Variants in GGA1 observed in about 807,000 individuals in gnomAD.
GGA1 encodes the protein ADP-ribosylation factor-binding protein GGA1.
GGA1 carries 18 observed loss-of-function variants against 76.9 expected under a neutral mutation model. The observed-to-expected ratio is 0.23, with a 90% confidence interval of 0.16 to 0.35. The LOEUF is 0.35. Ranked by LOEUF, GGA1 falls within the 10% of genes least tolerant of loss-of-function variation. The pLI is 1.00. For missense variants in GGA1, 755 were observed against 859.0 expected (o/e 0.88, Z 1.51); for synonymous variants, 342 against 354.7 (o/e 0.96, Z 0.40).
At chr22:37,614,006 C>T in intron 1 of GGA1, 184 bp from the exon 2 acceptor site, 2 of 579,220 alleles carry the variant, frequency 3.5e-6, no homozygotes, top group South Asian at 1.9e-5. Context: ...CAGCTGTGCT[C>T]ATCTGTCTGT....
intron 13 of GGA1, 54 bp from the exon 14 acceptor site, chr22:37,630,849 T>G: frequency 7.7e-6 from 10 of 1,290,534 alleles, no homozygotes; most frequent in Non-Finnish European, 1.1e-5. Context: ...ATTACAGGGG[T>G]GAGCTACCAC....
At position 37,625,788 on chromosome 22, in the gene GGA1, C is replaced by A; in HGVS notation, c.941-9C>A. On this transcript the variant is annotated splice_polypyrimidine_tract_variant and intron_variant, in intron 10 of 16. Coordinates refer to ENST00000343632, the MANE Select transcript of GGA1 (RefSeq NM_013365.5). This position sits in a 1 kb window ranked among gnomAD's most constrained non-coding sequence, Gnocchi z 4.1. ...CCAGGACTTGCCAGCCTCTTCTTTC[C>A]CACCCCAGGGAGCACCTCGGCCCTG... The A allele has an allele frequency of 6.5e-7, 1 of 1,542,586 alleles. No individual in the cohort carries two copies. Among genetic ancestry groups the A allele is most frequent in the Non-Finnish European group, 8.8e-7 (1 of 1,137,900 alleles).
chr22:37,627,623 C>T (rs1026963313), intron 11 of GGA1, among the ~76,000 whole-genome samples: 1 of 152,214 alleles, frequency 6.6e-6, no homozygotes, highest in African/African-American at 2.4e-5. Flanking sequence ...GCAGGGCCAC[C>T]AGCCCCCAGC....
intron 2 of GGA1, among the ~76,000 whole-genome samples, chr22:37,616,053 A>G (rs1353897436): frequency 1.3e-5 from 2 of 152,048 alleles, no homozygotes; most frequent in Non-Finnish European, 2.9e-5. Flanking sequence ...CGTGTTAGCC[A>G]GGATGGTCTC....
In GGA1 at chr22:37,625,068, C is replaced by A. The variant is rs752257798; in HGVS notation, c.932C>A (p.Ser311Tyr). ...GTCAACGGTGATGCCACAGCCGGCT[C>A]CATCCCTGGTGAGGAGGTGGCAGGA... The part of the protein sequence containing the change: ...EEVNGDATAG[S>Y]IPGSTSALLD... Residue 311 changes from serine to tyrosine, a missense_variant, in exon 10 of 17, where the codon TCC becomes TAC. Physicochemically the swap from Ser to Tyr is moderately radical, Grantham distance 144. Coordinates refer to ENST00000343632, the MANE Select transcript of GGA1 (RefSeq NM_013365.5). The surrounding 1 kb of genome is among the most constrained non-coding windows in gnomAD (Gnocchi z 4.1). 3 of 1,592,384 alleles carry A rather than the reference C, an allele frequency of 1.9e-6. No homozygotes were observed. In the South Asian group the frequency reaches 3.4e-5, roughly 18 times the overall value.
Position 37,613,274 on chromosome 22 carries a change from G to T in GGA1, c.44-916G>T, listed in dbSNP as rs541224933. On this transcript the variant is annotated intron_variant, in intron 1 of 16. Transcript: ENST00000343632. Reference sequence around the variant, plus strand: ...ATCTTTCCTGCCCATACAGCCATGCGTGGGTCAGAGGTGTACCAGCTCCAG... The same window carrying T: ...ATCTTTCCTGCCCATACAGCCATGCTTGGGTCAGAGGTGTACCAGCTCCAG... 1.4e-5 allele frequency: 8 copies of T among 577,924 alleles called. No homozygotes were observed. In the East Asian group the frequency reaches 1.0e-3, roughly 72 times the overall value. The allele number at this position is 577,924 out of a possible 1,614,324, so 35.8% of individuals were successfully genotyped here.
chr22:37,627,519 T>C (rs1931059624), intron 11 of GGA1, among the ~76,000 whole-genome samples: 1 of 152,046 alleles, frequency 6.6e-6, no homozygotes, highest in Non-Finnish European at 1.5e-5. Context: ...TAAAGGACGG[T>C]CAAGGGACAG....
intron 7 of GGA1, among the ~76,000 whole-genome samples, chr22:37,622,766 G>T (rs1930127655): frequency 6.6e-6 from 1 of 152,168 alleles, no homozygotes; most frequent in Admixed American, 6.5e-5. Flanking sequence ...ACTGTGTGAG[G>T]CCACTTTTCA....
rs746158093 is a variant in GGA1, at chr22:37,630,974, C to T, written c.1403C>T (p.Pro468Leu). ...LQNKSSSCSS[P>L]SSSATSLLHT... ...AATAAGAGCAGCAGCTGCAGCTCCCCCAGCTCCAGCGCCACCAGCCTTCTC... is the reference window on the plus strand; with the variant it reads ...AATAAGAGCAGCAGCTGCAGCTCCCTCAGCTCCAGCGCCACCAGCCTTCTC... Residue 468 changes from proline to leucine, a missense_variant, in exon 14 of 17, where the codon CCC becomes CTC. By Grantham distance (98) the Pro-to-Leu change is moderately conservative. Transcript: ENST00000343632. 1.2e-6 allele frequency: 2 copies of T among 1,612,988 alleles called. No homozygotes were observed. Among genetic ancestry groups the T allele is most frequent in the Non-Finnish European group, 8.5e-7 (1 of 1,179,296 alleles).
chr22:37,622,172 G>A (rs1003013721), intron 7 of GGA1, among the ~76,000 whole-genome samples: 9 of 151,920 alleles, frequency 5.9e-5, no homozygotes, highest in African/African-American at 1.4e-4. Flanking sequence ...TCAACCTCCC[G>A]GGCTCAAGCA....
Position 37,630,189 on chromosome 22 carries a change from T to A in GGA1, c.1331+19T>A. 6.5e-7 allele frequency: 1 copy of A among 1,537,448 alleles called. No individual in the cohort carries two copies. Among genetic ancestry groups the A allele is most frequent in the Non-Finnish European group, 8.8e-7 (1 of 1,140,602 alleles). ...TGCGGTGGTGAGGGCCCACCATGGC[T>A]GGCATGGGGTGGGGAGCACTCCCTG... On this transcript the variant is annotated intron_variant, in intron 13 of 16. Coordinates refer to ENST00000343632, the MANE Select transcript of GGA1 (RefSeq NM_013365.5).
chr22:37,621,216 G>T (rs756071808), intron 6 of GGA1, among the ~76,000 whole-genome samples: 8 of 152,180 alleles, frequency 5.3e-5, no homozygotes, highest in Non-Finnish European at 1.2e-4. Context: ...ATTAAAACTT[G>T]TGGGTGAAAA....
chr22:37,630,752 C>T (rs1346471147), intron 13 of GGA1, 151 bp from the exon 14 acceptor site: 4 of 608,802 alleles, frequency 6.6e-6, no homozygotes, highest in Non-Finnish European at 2.9e-6. Context: ...ATTTTTTATA[C>T]AGACCGGGTT....
In GGA1 at chr22:37,621,452, G is replaced by A. The variant is rs528358304; in HGVS notation, c.529-164G>A. On this transcript the variant is annotated intron_variant, in intron 6 of 16. Transcript: ENST00000343632. ...TTACATGCAGTGTCTCCGCTGGCCT[G>A]TGGCCACCCTATCAGGCATCAGTAA... Among the ~76,000 whole-genome samples the A allele has an allele frequency of 3.9e-5, 6 of 152,332 alleles. No individual in the cohort carries two copies. The South Asian group carries it at 1.2e-3, about 32-fold the overall frequency.
chr22:37,622,606 C>A (rs1316985123), intron 7 of GGA1, among the ~76,000 whole-genome samples: 1 of 151,880 alleles, frequency 6.6e-6, no homozygotes, highest in Non-Finnish European at 1.5e-5. Context: ...GTAGAGACAG[C>A]ATCTCCCTTT....
chr22:37,614,066 A>T, intron 1 of GGA1, 124 bp from the exon 2 acceptor site: 1 of 712,750 alleles, frequency 1.4e-6, no homozygotes. Flanking sequence ...AGGCAGGGGG[A>T]GAGCTTTCCC....
chr22:37,613,388 T>C (rs1928111586), intron 1 of GGA1, among the ~76,000 whole-genome samples: 1 of 151,768 alleles, frequency 6.6e-6, no homozygotes, highest in Non-Finnish European at 1.5e-5. Flanking sequence ...CCCTCCTCTG[T>C]GTTTCTTTTT....
chr22:37,615,871 C>T (rs528236779), intron 2 of GGA1, among the ~76,000 whole-genome samples: 2 of 151,032 alleles, frequency 1.3e-5, no homozygotes, highest in East Asian at 2.0e-4. Flanking sequence ...GATGGAGTCT[C>T]GCTCTGTCGC....
At chr22:37,612,364 C>G (rs185408110) in intron 1 of GGA1, among the ~76,000 whole-genome samples, 1 of 145,508 alleles carries the variant, frequency 6.9e-6, no homozygotes, top group Non-Finnish European at 1.5e-5. Flanking sequence ...CCCAGCTACT[C>G]GGGAGGCTGA....
Sources: gnomAD v4.1 joint callset for allele counts (sites outside exome capture counted in the v4.1 genomes callset) on GRCh38, gnomAD v4.1.1 for gene constraint, Gnocchi (gnomAD v3.1) non-coding constraint, MANE v1.5 for transcripts, NCBI Gene and HGNC (gene_info 2026-07-23, HGNC 2026-07-21) for gene names.